OR5AS1: variants seen among roughly 807,000 people sequenced by gnomAD.
OR5AS1 encodes olfactory receptor family 5 subfamily AS member 1.
For synonymous variants in OR5AS1, 196 were observed against 141.7 expected (o/e 1.38, Z -2.72); for missense variants, 492 against 378.2 (o/e 1.30, Z -2.50).
chr11:56,028,480 C>A (rs375528639), intron 1 of OR5AS1, among the ~76,000 whole-genome samples: 22 of 152,132 alleles, frequency 1.4e-4, no homozygotes, highest in African/African-American at 4.8e-4. Flanking sequence ...CTGCTATCTG[C>A]GTATCTCCTT....
In OR5AS1 at chr11:56,037,216, C is replaced by A. The variant is rs982254421; in HGVS notation, c.*5823C>A. The A allele has an allele frequency of 1.3e-5, 2 of 152,038 alleles. No homozygotes were observed. The highest frequency in any genetic ancestry group is 2.9e-5 in the Non-Finnish European group (2 of 68,034). The allele number at this position is 152,038 out of a possible 1,614,324, so 9.4% of individuals were successfully genotyped here. A position where few individuals can be genotyped will look rare whatever the true frequency, so the allele number is the denominator to read the frequency against. The stretch of plus-strand genomic sequence containing the variant: ...GAAAACCGGCACAAAACAATGATGC[C>A]CTCTCTCACCACTCCTATTCAACAT... On this transcript the variant is annotated 3_prime_UTR_variant, in exon 2 of 2. Transcript: ENST00000641320.
chr11:56,030,447 C>T lies in OR5AS1; in HGVS notation c.29C>T (p.Thr10Ile). The T allele has an allele frequency of 6.7e-7, 1 of 1,492,608 alleles. No homozygotes were observed. The highest frequency in any genetic ancestry group is 8.9e-7 in the Non-Finnish European group (1 of 1,120,970). The allele number at this position is 1,492,608 out of a possible 1,614,324, so 92.5% of individuals were successfully genotyped here. A position where few individuals can be genotyped will look rare whatever the true frequency, so the allele number is the denominator to read the frequency against. Residue 10 changes from threonine (T) to isoleucine (I), a missense_variant, in exon 2 of 2, where the codon ACT (threonine) becomes ATT (isoleucine). Coordinates refer to ENST00000641320, the MANE Select transcript of OR5AS1 (RefSeq NM_001001921.2). The stretch of plus-strand genomic sequence containing the variant: ...TTGGAGAGTAATTACACCATGCCAA[C>T]TGAGTTCCTATTTGTTGGATTCACA... MLESNYTMP[T>I]EFLFVGFTDY... is the part of the protein sequence containing the mutation.
At chr11:56,029,506 T>C (rs1394297431) in intron 1 of OR5AS1, among the ~76,000 whole-genome samples, 3 of 148,602 alleles carry the variant, frequency 2.0e-5, no homozygotes, top group Non-Finnish European at 3.0e-5. Flanking sequence ...AGATTTAGTA[T>C]GCCAAACAAT....
At chr11:56,030,352 C>G (rs1324579673) in intron 1 of OR5AS1, 39 bp from the exon 2 acceptor site, 2 of 1,007,312 alleles carry the variant, frequency 2.0e-6, no homozygotes, top group African/African-American at 1.6e-5. Flanking sequence ...TTGGTTCATC[C>G]ATAACTCAAG....
rs1853425263 is a variant in OR5AS1 at position 56,037,901 on chromosome 11, G to A, written c.*6508G>A. 6.6e-6 allele frequency: 1 copy of A among 152,074 alleles called. No homozygotes were observed. The highest frequency in any genetic ancestry group is 6.6e-5 in the Admixed American group (1 of 15,260). 9.4% of individuals were successfully genotyped at this position (152,074 alleles called of 1,614,324 possible). ...AAGGCTACAGTAATAAAAACAGTAT[G>A]GTCCTGGTACCAAAGCAGATATATA... is the stretch of plus-strand genomic sequence containing the variant. On this transcript the variant is annotated 3_prime_UTR_variant, in exon 2 of 2. Coordinates refer to ENST00000641320, the MANE Select transcript of OR5AS1 (RefSeq NM_001001921.2).
Position 56,030,534 on chromosome 11 carries a change from T to C in OR5AS1, c.116T>C (p.Met39Thr), listed in dbSNP as rs777094904. The part of the protein sequence containing the change: ...LVFLLVYTLT[M>T]VGNILLIILV... Reference sequence around the variant, plus strand: ...TTCCTTCTGGTATATACATTAACTATGGTCGGAAATATACTCTTAATAATT... The same window carrying C: ...TTCCTTCTGGTATATACATTAACTACGGTCGGAAATATACTCTTAATAATT... The change falls in exon 2 of 2, where the codon ATG becomes ACG. Residue 39 changes from methionine (M) to threonine (T), a missense_variant. Coordinates refer to ENST00000641320, the MANE Select transcript of OR5AS1 (RefSeq NM_001001921.2). 28 of 1,554,764 alleles carry C rather than the reference T, an allele frequency of 1.8e-5. No homozygotes were observed. In the South Asian group the frequency reaches 1.9e-4, roughly 10 times the overall value.
In OR5AS1 at chr11:56,030,853, T is replaced by A; in HGVS notation, c.435T>A (p.Ile145=). 5 of 1,614,096 alleles carry A rather than the reference T, an allele frequency of 3.1e-6. No homozygotes were observed. The highest frequency in any genetic ancestry group is 4.2e-6 in the Non-Finnish European group (5 of 1,179,964). The change falls in exon 2 of 2, where the codon ATT becomes ATA. Residue 145 remains isoleucine, a synonymous_variant. Coordinates refer to ENST00000641320, the MANE Select transcript of OR5AS1 (RefSeq NM_001001921.2). The part of the protein sequence containing the change: ...LMSRRVCVCF[I]VLAYFSGSTT... ...CTAGGAGAGTCTGTGTCTGCTTCAT[T>A]GTGTTGGCATATTTCAGTGGAAGTA...
rs61890018 is a variant in OR5AS1 at position 56,037,830 on chromosome 11, G to A, written c.*6437G>A. 1 of 151,136 alleles carries A rather than the reference G, an allele frequency of 6.6e-6. No homozygotes were observed. Among genetic ancestry groups the A allele is most frequent in the Admixed American group, 6.6e-5 (1 of 15,150 alleles). 9.4% of individuals were successfully genotyped at this position (151,136 alleles called of 1,614,324 possible). On this transcript the variant is annotated 3_prime_UTR_variant, in exon 2 of 2. Transcript: ENST00000641320. The stretch of plus-strand genomic sequence containing the variant: ...TAGCCCAGGCAATCCTAAGCAAAAA[G>A]AACAAAGCTGGAGGCATCATGCTAC...
Position 56,030,499 on chromosome 11 carries a change from G to A in OR5AS1, c.81G>A (p.Leu27=). Residue 27 remains leucine, a synonymous_variant, in exon 2 of 2, where the codon CTG becomes CTA. Coordinates refer to ENST00000641320, the MANE Select transcript of OR5AS1 (RefSeq NM_001001921.2). The part of the protein sequence containing the change: ...FTDYLPLRVT[L]FLVFLLVYTL... ...ATTATCTACCTCTCAGAGTCACACTGTTCTTGGTATTCCTTCTGGTATATA... is the reference window on the plus strand; with the variant it reads ...ATTATCTACCTCTCAGAGTCACACTATTCTTGGTATTCCTTCTGGTATATA... 6.5e-7 allele frequency: 1 copy of A among 1,538,806 alleles called. No individual in the cohort carries two copies.
At position 56,036,318 on chromosome 11, in the gene OR5AS1, C is replaced by T. The variant is rs908345747; in HGVS notation, c.*4925C>T. 2.6e-5 allele frequency: 4 copies of T among 151,900 alleles called. No individual in the cohort carries two copies. Among genetic ancestry groups the T allele is most frequent in the Non-Finnish European group, 5.9e-5 (4 of 67,976 alleles). 9.4% of individuals were successfully genotyped at this position (151,900 alleles called of 1,614,324 possible). On this transcript the variant is annotated 3_prime_UTR_variant, in exon 2 of 2. Coordinates refer to ENST00000641320, the MANE Select transcript of OR5AS1 (RefSeq NM_001001921.2). ...GAAGGAGATAGAGACATGAAAAACC[C>T]TTCAAAAAATCAATGAATCCAGGAG...
chr11:56,038,006 A>G lies in OR5AS1; in HGVS notation c.*6613A>G, dbSNP rs2512947. On this transcript the variant is annotated 3_prime_UTR_variant, in exon 2 of 2. Coordinates refer to ENST00000641320, the MANE Select transcript of OR5AS1 (RefSeq NM_001001921.2). Reference sequence around the variant, plus strand: ...CTGATCTTTGACAAACCTGACAAAAACAAGCAATGAGGAAAGGATTCCCTA... The same window carrying G: ...CTGATCTTTGACAAACCTGACAAAAGCAAGCAATGAGGAAAGGATTCCCTA... 83,644 of 151,980 alleles carry G rather than the reference A, an allele frequency of 0.55. 23,277 individuals carry two copies. The highest frequency in any genetic ancestry group is 0.6 in the East Asian group (3,123 of 5,162). The allele number at this position is 151,980 out of a possible 1,614,324, so 9.4% of individuals were successfully genotyped here. A position where few individuals can be genotyped will look rare whatever the true frequency, so the allele number is the denominator to read the frequency against.
At chr11:56,029,981 A>G (rs1359182135) in intron 1 of OR5AS1, among the ~76,000 whole-genome samples, 1 of 152,082 alleles carries the variant, frequency 6.6e-6, no homozygotes, top group African/African-American at 2.4e-5. Flanking sequence ...ATTCTTTCAT[A>G]TTTTATCTCA....
Position 56,031,399 on chromosome 11 carries a change from C to A in OR5AS1, c.*6C>A, listed in dbSNP as rs771280816. 3 of 1,476,618 alleles carry A rather than the reference C, an allele frequency of 2.0e-6. No individual in the cohort carries two copies. The highest frequency in any genetic ancestry group is 4.3e-5 in the Admixed American group (2 of 46,642). The allele number at this position is 1,476,618 out of a possible 1,614,324, so 91.5% of individuals were successfully genotyped here. A position where few individuals can be genotyped will look rare whatever the true frequency, so the allele number is the denominator to read the frequency against. On this transcript the variant is annotated 3_prime_UTR_variant, in exon 2 of 2. Transcript: ENST00000641320. ...TAAGAATAGTCAATATCTAACTTAC[C>A]CTTCCAATCTCATAAACAGCAATTA...
In OR5AS1 at chr11:56,037,025, T is replaced by C. The variant is rs1428082233; in HGVS notation, c.*5632T>C. 1 of 152,146 alleles carries C rather than the reference T, an allele frequency of 6.6e-6. No homozygotes were observed. Among genetic ancestry groups the C allele is most frequent in the Non-Finnish European group, 1.5e-5 (1 of 68,038 alleles). The allele number at this position is 152,146 out of a possible 1,614,324, so 9.4% of individuals were successfully genotyped here. A position where few individuals can be genotyped will look rare whatever the true frequency, so the allele number is the denominator to read the frequency against. On this transcript the variant is annotated 3_prime_UTR_variant, in exon 2 of 2. Transcript: ENST00000641320. The stretch of plus-strand genomic sequence containing the variant: ...AACCAATGACAAAAGCACATGTTTA[T>C]CTCAACAGATGCCGAAAAGGCCTTT...
intron 1 of OR5AS1, 85 bp downstream of exon 1, chr11:56,027,797 T>A (rs1158942899): frequency 1.5e-5 from 2 of 137,842 alleles, no homozygotes; most frequent in Non-Finnish European, 3.2e-5. Context: ...ATAAAATGTA[T>A]CTCTGCTATT....
At position 56,036,510 on chromosome 11, in the gene OR5AS1, A is replaced by T. The variant is rs983073446; in HGVS notation, c.*5117A>T. On this transcript the variant is annotated 3_prime_UTR_variant, in exon 2 of 2. Transcript: ENST00000641320. ...CAGAGAATACTATAAACACCTCCAC[A>T]CAAATAAACTAGAAAACCTGGAAGA... 1 of 152,064 alleles carries T rather than the reference A, an allele frequency of 6.6e-6. No homozygotes were observed. The highest frequency in any genetic ancestry group is 1.5e-5 in the Non-Finnish European group (1 of 68,002). The allele number at this position is 152,064 out of a possible 1,614,324, so 9.4% of individuals were successfully genotyped here. A position where few individuals can be genotyped will look rare whatever the true frequency, so the allele number is the denominator to read the frequency against.
chr11:56,033,057 T>G lies in OR5AS1; in HGVS notation c.*1664T>G, dbSNP rs1448209311. On this transcript the variant is annotated 3_prime_UTR_variant, in exon 2 of 2. Transcript: ENST00000641320. ...TCCCTCCACTAGCCAAGGGAAGCCA[T>G]GAAGGACTGTGCCATGAGGAACGGG... is the stretch of plus-strand genomic sequence containing the variant. 6.6e-6 allele frequency: 1 copy of G among 152,288 alleles called. No individual in the cohort carries two copies. Among genetic ancestry groups the G allele is most frequent in the East Asian group, 1.9e-4 (1 of 5,184 alleles). The allele number at this position is 152,288 out of a possible 1,614,324, so 9.4% of individuals were successfully genotyped here. A position where few individuals can be genotyped will look rare whatever the true frequency, so the allele number is the denominator to read the frequency against.
intron 1 of OR5AS1, among the ~76,000 whole-genome samples, chr11:56,028,369 G>A (rs2134688753): frequency 6.6e-6 from 1 of 152,124 alleles, no homozygotes. Flanking sequence ...TTGGACCTGA[G>A]GTTATTTATA....
chr11:56,031,557 AT>A lies in OR5AS1; in HGVS notation c.*165del. 1.9e-6 allele frequency: 1 copy of A among 520,622 alleles called. No individual in the cohort carries two copies. The highest frequency in any genetic ancestry group is 3.1e-5 in the South Asian group (1 of 31,836). 32.3% of individuals were successfully genotyped at this position (520,622 alleles called of 1,614,324 possible). On this transcript the variant is annotated 3_prime_UTR_variant, in exon 2 of 2. Transcript: ENST00000641320. ...AATGTTCTCTCCACAATTCTACTCTATAAAACATTACCTAATTAAACATAGT... is the reference window on the plus strand; with the variant it reads ...AATGTTCTCTCCACAATTCTACTCTAAAAACATTACCTAATTAAACATAGT...
Sources: allele counts gnomAD v4.1 joint callset (sites outside exome capture counted in the v4.1 genomes callset), GRCh38; gene constraint gnomAD v4.1.1; transcripts MANE v1.5; gene names NCBI Gene and HGNC (gene_info 2026-07-23, HGNC 2026-07-21).